ROBO2: variants seen among roughly 807,000 people sequenced by gnomAD.
ROBO2 encodes the protein roundabout homolog 2.
Under a neutral mutation model 160.8 loss-of-function variants are expected in ROBO2, and 53 were observed. The ratio of observed to expected loss-of-function variants is 0.33; its 90% CI spans 0.26 to 0.41. The LOEUF (loss-of-function observed/expected upper bound fraction) is 0.41. ROBO2 is among the 10% of genes least tolerant of loss of function. The pLI, the probability that ROBO2 is intolerant of heterozygous loss-of-function variation, is 1.00. For missense variants in ROBO2, 1,577 were observed against 1,722.4 expected (o/e 0.92, Z 1.49); for synonymous variants, 664 against 611.7 (o/e 1.09, Z -1.26).
At chr3:76,352,696 T>C (rs1294335971) in intron 2 of ROBO2, among the ~76,000 whole-genome samples, 1 of 151,946 alleles carries the variant, frequency 6.6e-6, no homozygotes, top group Non-Finnish European at 1.5e-5. Flanking sequence ...ATGTGCAGTC[T>C]CCTGTGGATT....
chr3:76,646,803 A>G (rs1245927360), intron 2 of ROBO2, among the ~76,000 whole-genome samples: 2 of 152,194 alleles, frequency 1.3e-5, no homozygotes, highest in African/African-American at 4.8e-5. Context: ...AATTATTTAA[A>G]TAGAGATATT....
At chr3:76,569,520 A>G (rs1267178802) in intron 2 of ROBO2, among the ~76,000 whole-genome samples, 1 of 152,150 alleles carries the variant, frequency 6.6e-6, no homozygotes, top group African/African-American at 2.4e-5. Flanking sequence ...ATTATAAACA[A>G]TGAATTATGC....
intron 2 of ROBO2, among the ~76,000 whole-genome samples, chr3:77,426,474 A>C (rs1032735115): frequency 6.6e-6 from 1 of 152,042 alleles, no homozygotes; most frequent in Non-Finnish European, 1.5e-5. Context: ...GGTAACAGAT[A>C]AGGATTTGAA....
In ROBO2 at chr3:76,094,174, G is replaced by A. The variant is rs2069347257; in HGVS notation, c.109+156572G>A. On this transcript the variant is annotated intron_variant, in intron 2 of 26. Coordinates refer to the ROBO2 transcript ENST00000487694. ...CACACACAAGCACACACAATCTAAA[G>A]AAACAAAGAAATACACCCCTCAGAA... 2.0e-5 allele frequency among the ~76,000 whole-genome samples: 3 copies of A among 151,842 alleles called. No individual in the cohort carries two copies. The South Asian group carries it at 6.2e-4, about 32-fold the overall frequency.
At chr3:76,537,539 C>A (rs951630125) in intron 2 of ROBO2, among the ~76,000 whole-genome samples, 1 of 152,000 alleles carries the variant, frequency 6.6e-6, no homozygotes, top group Non-Finnish European at 1.5e-5. Context: ...AGACCACTTA[C>A]CCGATTTGAA....
At chr3:76,346,859 CCT>C (rs532207833) in intron 2 of ROBO2, among the ~76,000 whole-genome samples, 34 of 152,172 alleles carry the variant, frequency 2.2e-4, no homozygotes, top group African/African-American at 7.9e-4. Context: ...CTGTATGCTC[CCT>C]GTGTGGCCTC....
At chr3:76,078,237 A>G (rs910018812) in intron 2 of ROBO2, among the ~76,000 whole-genome samples, 3 of 152,196 alleles carry the variant, frequency 2.0e-5, no homozygotes, top group Non-Finnish European at 2.9e-5. Context: ...AAGTTGTTCT[A>G]TGACTTAACC....
intron 2 of ROBO2, among the ~76,000 whole-genome samples, chr3:76,406,673 A>G (rs1333422387): frequency 6.6e-6 from 1 of 151,880 alleles, no homozygotes; most frequent in Non-Finnish European, 1.5e-5. Context: ...TCCTAGCCCA[A>G]AGATATTTTC....
chr3:76,123,821 G>A (rs1412084207), intron 2 of ROBO2, among the ~76,000 whole-genome samples: 3 of 152,028 alleles, frequency 2.0e-5, no homozygotes, highest in Non-Finnish European at 4.4e-5. Flanking sequence ...GATCCCTACT[G>A]CTTCACATCA....
At chr3:77,280,479 G>A (rs1378619379) in intron 2 of ROBO2, among the ~76,000 whole-genome samples, 3 of 152,156 alleles carry the variant, frequency 2.0e-5, no homozygotes, top group African/African-American at 7.2e-5. Context: ...GATTGGGCTT[G>A]ACTTGGCTTA....
intron 1 of ROBO2, among the ~76,000 whole-genome samples, chr3:77,074,860 C>T (rs923641111): frequency 2.6e-5 from 4 of 152,092 alleles, no homozygotes; most frequent in Non-Finnish European, 5.9e-5. Flanking sequence ...TCCAAAACTT[C>T]GAGTATTTAA....
intron 2 of ROBO2, among the ~76,000 whole-genome samples, chr3:76,216,221 G>C (rs2088175): frequency 0.075 from 11,388 of 152,234 alleles, 594 homozygotes; most frequent in East Asian, 0.22. Flanking sequence ...AAATTGTAAA[G>C]ATCGTCGAGG....
intron 2 of ROBO2, among the ~76,000 whole-genome samples, chr3:77,152,793 T>A (rs1227746041): frequency 6.6e-6 from 1 of 152,222 alleles, no homozygotes; most frequent in African/African-American, 2.4e-5. Context: ...ATATTCCTTA[T>A]AACTCACCCT....
At chr3:76,211,746 T>C (rs1703158234) in intron 2 of ROBO2, among the ~76,000 whole-genome samples, 1 of 152,076 alleles carries the variant, frequency 6.6e-6, no homozygotes, top group Admixed American at 6.6e-5. Context: ...TTTCATAATT[T>C]AAAGATTCTG....
At chr3:76,691,303 A>G (rs780346893) in intron 2 of ROBO2, among the ~76,000 whole-genome samples, 20 of 152,040 alleles carry the variant, frequency 1.3e-4, no homozygotes, top group Non-Finnish European at 2.8e-4. Context: ...CAGTCCAACA[A>G]TGTTGGACTT....
intron 2 of ROBO2, among the ~76,000 whole-genome samples, chr3:76,684,901 G>T (rs2092650259): frequency 6.6e-6 from 1 of 151,618 alleles, no homozygotes; most frequent in Non-Finnish European, 1.5e-5. Context: ...AATAGCACTT[G>T]ATTAGAAGAG....
intron 2 of ROBO2, among the ~76,000 whole-genome samples, chr3:76,976,584 G>A (rs2059827643): frequency 6.6e-6 from 1 of 152,042 alleles, no homozygotes; most frequent in Non-Finnish European, 1.5e-5. Flanking sequence ...ATAACAATTG[G>A]TATTCCTGTC....
intron 2 of ROBO2, among the ~76,000 whole-genome samples, chr3:77,192,724 C>A (rs1228243643): frequency 7.1e-6 from 1 of 140,580 alleles, no homozygotes; most frequent in Non-Finnish European, 1.5e-5. Flanking sequence ...TGGCTCACTG[C>A]AACCTCTGCC....
intron 2 of ROBO2, among the ~76,000 whole-genome samples, chr3:76,630,314 C>T (rs978759146): frequency 7.9e-5 from 12 of 152,092 alleles, no homozygotes; most frequent in Non-Finnish European, 1.2e-4. Flanking sequence ...TGGTTCCTGC[C>T]CTGAGCTTGT....
Sources: gnomAD v4.1 joint callset for allele counts (sites outside exome capture counted in the v4.1 genomes callset) on GRCh38, gnomAD v4.1.1 for gene constraint, MANE v1.5 for transcripts, NCBI Gene and HGNC (gene_info 2026-07-23, HGNC 2026-07-21) for gene names.